The following SLC24A2 variants were observed in gnomAD, a reference collection of about 807,000 sequenced individuals.
SLC24A2 encodes the protein solute carrier family 24 member 2, also known as sodium/potassium/calcium exchanger 2.
SLC24A2 carries 36 observed loss-of-function variants against 62.0 expected under a neutral mutation model. The observed-to-expected ratio is 0.58, with a 90% CI of 0.44 to 0.77. The LOEUF is 0.77. Among genes scored for constraint, SLC24A2 ranks in the 30% least tolerant of loss-of-function variants. The pLI is 0.00. For synonymous variants in SLC24A2, 358 were observed against 294.0 expected (o/e 1.22, Z -2.23); for missense variants, 846 against 817.9 (o/e 1.03, Z -0.42).
the SLC24A2 span, among the ~76,000 whole-genome samples, chr9:20,295,063 C>CAT: frequency 7.1e-6 from 1 of 140,118 alleles, no homozygotes; most frequent in Non-Finnish European, 1.5e-5. Context: ...TACACACACA[C>CAT]ATACACACAC....
intron 7 of SLC24A2, among the ~76,000 whole-genome samples, chr9:19,561,204 A>G (rs1379094969): frequency 6.6e-6 from 1 of 152,114 alleles, no homozygotes; most frequent in African/African-American, 2.4e-5. Context: ...TGCTGGGATT[A>G]CAGGCGTGAG....
the SLC24A2 span, among the ~76,000 whole-genome samples, chr9:19,839,475 C>CT: frequency 8.9e-4 from 135 of 151,210 alleles, no homozygotes; most frequent in African/African-American, 2.9e-3. Flanking sequence ...TTATATTTTT[C>CT]TTTTTTTTTC....
the SLC24A2 span, among the ~76,000 whole-genome samples, chr9:20,094,395 T>C: frequency 6.6e-6 from 1 of 152,222 alleles, no homozygotes; most frequent in Non-Finnish European, 1.5e-5. Context: ...AGCCTGTCAC[T>C]ACAACAAAAG....
At chr9:19,773,118 A>G (rs957237293) in intron 2 of SLC24A2, among the ~76,000 whole-genome samples, 1 of 152,224 alleles carries the variant, frequency 6.6e-6, no homozygotes, top group African/African-American at 2.4e-5. Flanking sequence ...AGGCAAATCT[A>G]TACTGACAAA....
At chr9:20,103,429 C>A in the SLC24A2 span, among the ~76,000 whole-genome samples, 107 of 152,326 alleles carry the variant, frequency 7.0e-4, no homozygotes, top group African/African-American at 2.5e-3. Flanking sequence ...CCCCGAGCAG[C>A]CTAACTGGGA....
chr9:20,024,055 G>A, the SLC24A2 span, among the ~76,000 whole-genome samples: 3 of 152,308 alleles, frequency 2.0e-5, no homozygotes, highest in Admixed American at 6.5e-5. Context: ...AGTTGTCTCT[G>A]TAAATCAATT....
intron 8 of SLC24A2, among the ~76,000 whole-genome samples, chr9:19,533,630 C>G (rs766771881): frequency 1.9e-4 from 29 of 152,188 alleles, no homozygotes; most frequent in Non-Finnish European, 3.2e-4. Context: ...ACAAGCTGTT[C>G]CAGCTTCAAT....
the SLC24A2 span, among the ~76,000 whole-genome samples, chr9:20,247,460 G>C: frequency 6.6e-6 from 1 of 152,144 alleles, no homozygotes; most frequent in Non-Finnish European, 1.5e-5. Context: ...AATTATGAGG[G>C]TGAAGCCCCC....
chr9:19,833,642 C>T, the SLC24A2 span, among the ~76,000 whole-genome samples: 384 of 152,358 alleles, frequency 2.5e-3, 4 homozygotes, highest in African/African-American at 8.3e-3. Context: ...TAGGCTCCAC[C>T]TCTGGGGGCA....
intron 2 of SLC24A2, among the ~76,000 whole-genome samples, chr9:19,782,695 A>G (rs1295028358): frequency 6.6e-6 from 1 of 152,236 alleles, no homozygotes; most frequent in East Asian, 1.9e-4. Flanking sequence ...ATGAAACATA[A>G]AAGGAAGGCA....
the SLC24A2 span, among the ~76,000 whole-genome samples, chr9:20,189,001 T>C: frequency 6.6e-6 from 1 of 152,206 alleles, no homozygotes; most frequent in Non-Finnish European, 1.5e-5. Flanking sequence ...CAAGCTGTTA[T>C]AATATCTGGG....
intron 9 of SLC24A2, among the ~76,000 whole-genome samples, chr9:19,524,993 G>A (rs1217945979): frequency 6.6e-6 from 1 of 152,136 alleles, no homozygotes; most frequent in East Asian, 1.9e-4. Context: ...ACTATTATAT[G>A]TTATAAATGG....
chr9:20,049,324 C>G, the SLC24A2 span, among the ~76,000 whole-genome samples: 1 of 152,182 alleles, frequency 6.6e-6, no homozygotes, highest in Non-Finnish European at 1.5e-5. Flanking sequence ...TGTAACACTC[C>G]ACTGAGTGAG....
At chr9:20,109,062 C>G in the SLC24A2 span, among the ~76,000 whole-genome samples, 6 of 152,106 alleles carry the variant, frequency 3.9e-5, no homozygotes, top group Admixed American at 6.6e-5. Flanking sequence ...TCAATATTCA[C>G]TACAGTAACA....
chr9:20,144,430 C>T, the SLC24A2 span, among the ~76,000 whole-genome samples: 1 of 152,208 alleles, frequency 6.6e-6, no homozygotes, highest in African/African-American at 2.4e-5. Flanking sequence ...CTCGCTCCGA[C>T]CACTAGCCTG....
intron 2 of SLC24A2, among the ~76,000 whole-genome samples, chr9:19,757,434 C>T (rs1822177313): frequency 6.6e-6 from 1 of 152,062 alleles, no homozygotes; most frequent in South Asian, 2.1e-4. Context: ...TCTTTTCTTT[C>T]TCCTCCTCCT....
At chr9:20,229,909 G>C in the SLC24A2 span, among the ~76,000 whole-genome samples, 64 of 139,474 alleles carry the variant, frequency 4.6e-4, no homozygotes, top group African/African-American at 1.7e-3. Flanking sequence ...ACAGTCCCTG[G>C]TGTGTGATGT....
At chr9:19,589,483 C>T (rs7861864) in intron 5 of SLC24A2, among the ~76,000 whole-genome samples, 17,731 of 152,128 alleles carry the variant, frequency 0.12, 1,091 homozygotes, top group African/African-American at 0.14. Flanking sequence ...CTTATGTGTG[C>T]ATGTAATGTT....
chr9:20,149,227 C>G, the SLC24A2 span, among the ~76,000 whole-genome samples: 1 of 152,144 alleles, frequency 6.6e-6, no homozygotes, highest in Non-Finnish European at 1.5e-5. Context: ...TAATGACTTT[C>G]CTCTCTAATC....
Sources: gnomAD v4.1 joint callset for allele counts (sites outside exome capture counted in the v4.1 genomes callset) on GRCh38, gnomAD v4.1.1 for gene constraint, MANE v1.5 for transcripts, NCBI Gene and HGNC (gene_info 2026-07-23, HGNC 2026-07-21) for gene names.